The following PIK3C2B variants were observed in gnomAD, a reference collection of about 807,000 sequenced individuals.
The protein encoded by PIK3C2B is phosphatidylinositol 4-phosphate 3-kinase C2 domain-containing subunit beta.
Under a neutral mutation model 184.3 loss-of-function variants are expected in PIK3C2B, and 83 were observed. The ratio of observed to expected loss-of-function variants is 0.45; its 90% CI spans 0.38 to 0.54. PIK3C2B has a LOEUF of 0.54. Ranked by LOEUF, PIK3C2B falls within the 20% of genes least tolerant of loss-of-function variation. The pLI is 0.00. For synonymous variants in PIK3C2B, 779 were observed against 837.6 expected (o/e 0.93, Z 1.21); for missense variants, 1,736 against 2,113.5 (o/e 0.82, Z 3.50).
At chr1:204,427,595 T>C (rs1207949384) in intron 31 of PIK3C2B, 53 bp downstream of exon 31, 8 of 1,230,978 alleles carry the variant, frequency 6.5e-6, no homozygotes, top group Admixed American at 5.1e-5. Context: ...CCCAAAAAAG[T>C]AGCTAAAGAA....
rs1403343203 is a variant in PIK3C2B, at chr1:204,469,287, A to G, written c.516T>C (p.Pro172=). ...RASIWDTPPL[P]PRKGSPSSSK... ...AGGATGAGGGGGACCCCTTTCTGGG[A>G]GGCAGGGGAGGGGTATCCCAGATAG... The change falls in exon 2 of 33, where the codon CCT becomes CCC. Residue 172 remains proline, a synonymous_variant. Transcript: ENST00000684373. 1 of 1,544,836 alleles carries G rather than the reference A, an allele frequency of 6.5e-7. No individual in the cohort carries two copies. The highest frequency in any genetic ancestry group is 8.7e-7 in the Non-Finnish European group (1 of 1,146,088).
intron 1 of PIK3C2B, among the ~76,000 whole-genome samples, chr1:204,474,671 T>C (rs896282488): frequency 6.6e-6 from 1 of 152,118 alleles, no homozygotes; most frequent in African/African-American, 2.4e-5. Context: ...CTCAGCTTAC[T>C]GTTAACTCTA....
intron 10 of PIK3C2B, among the ~76,000 whole-genome samples, chr1:204,456,691 C>T (rs572545074): frequency 9.0e-4 from 137 of 152,166 alleles, no homozygotes; most frequent in Non-Finnish European, 1.3e-4. Flanking sequence ...TCACAATCTA[C>T]CCAAGTGGGA....
Position 204,469,211 on chromosome 1 carries a change from A to G in PIK3C2B, c.592T>C (p.Leu198=). The part of the protein sequence containing the change: ...DINTFSLVEQ[L]PGKLLEHRIL... ...CGATGCTCTAGCAGTTTGCCCGGCA[A>G]TTGTTCGACCAAAGAGAAAGTGTTG... The change falls in exon 2 of 33, where the codon TTG becomes CTG. Residue 198 remains leucine, a synonymous_variant. Coordinates refer to ENST00000684373, the MANE Select transcript of PIK3C2B (RefSeq NM_001377334.1). The G allele has an allele frequency of 6.2e-7, 1 of 1,608,808 alleles. No homozygotes were observed. Among genetic ancestry groups the G allele is most frequent in the African/African-American group, 1.3e-5 (1 of 74,894 alleles).
At chr1:204,429,399 G>GA (rs1674919054) in intron 29 of PIK3C2B, among the ~76,000 whole-genome samples, 1 of 152,092 alleles carries the variant, frequency 6.6e-6, no homozygotes, top group Non-Finnish European at 1.5e-5. Context: ...AATGCTAAGG[G>GA]AAAAAAGCTC....
intron 1 of PIK3C2B, among the ~76,000 whole-genome samples, chr1:204,479,865 T>C (rs903341555): frequency 3.3e-5 from 5 of 152,150 alleles, no homozygotes; most frequent in South Asian, 4.1e-4. Context: ...GCAGAGTCCA[T>C]AAAGCAAGTC....
chr1:204,469,693 A>C lies in PIK3C2B; in HGVS notation c.110T>G (p.Leu37Arg). Residue 37 changes from leucine (L) to arginine (R), a missense_variant, in exon 2 of 33, where the codon CTG becomes CGG. By Grantham distance (102) the Leu-to-Arg change is moderately radical. Transcript: ENST00000684373. Reference sequence around the variant, plus strand: ...CTCCTTGTCATGCCGGAGCCGGGACAGGGCATCATACTCCATCTGCAGGGC... The same window carrying C: ...CTCCTTGTCATGCCGGAGCCGGGACCGGGCATCATACTCCATCTGCAGGGC... ...AEALQMEYDALSRLRHDKEEN... is the reference protein window; with the variant it reads ...AEALQMEYDARSRLRHDKEEN... The C allele has an allele frequency of 6.2e-7, 1 of 1,614,060 alleles. No individual in the cohort carries two copies. Among genetic ancestry groups the C allele is most frequent in the Non-Finnish European group, 8.5e-7 (1 of 1,179,994 alleles).
At chr1:204,445,892 G>A (rs1316687403) in intron 16 of PIK3C2B, 64 bp downstream of exon 16, 11 of 1,120,178 alleles carry the variant, frequency 9.8e-6, no homozygotes, top group Non-Finnish European at 1.3e-5. Flanking sequence ...ATCACTGATG[G>A]GCAGTGTCGT....
At chr1:204,441,419 C>T in intron 21 of PIK3C2B, 52 bp downstream of exon 21, 1 of 1,213,386 alleles carries the variant, frequency 8.2e-7, no homozygotes, top group Non-Finnish European at 1.2e-6. Context: ...CTCTAGGCTG[C>T]CTCCTTCTCT....
chr1:204,474,791 C>G (rs1022277673), intron 1 of PIK3C2B, among the ~76,000 whole-genome samples: 2 of 152,072 alleles, frequency 1.3e-5, no homozygotes, highest in Non-Finnish European at 2.9e-5. Flanking sequence ...CCACTCATAT[C>G]TCAAAATCCA....
chr1:204,454,555 C>G, intron 12 of PIK3C2B, 114 bp downstream of exon 12: 1 of 994,646 alleles, frequency 1.0e-6, no homozygotes, highest in Non-Finnish European at 1.4e-6. Flanking sequence ...TTAGGGTTAA[C>G]AAGGAGCCTG....
intron 31 of PIK3C2B, among the ~76,000 whole-genome samples, chr1:204,427,093 C>T (rs948626238): frequency 6.6e-5 from 10 of 151,812 alleles, no homozygotes; most frequent in East Asian, 1.9e-4. Flanking sequence ...GCCAAGATTG[C>T]GCCACTGCAC....
At chr1:204,443,656 G>A in intron 18 of PIK3C2B, 59 bp from the exon 19 acceptor site, 1 of 1,500,500 alleles carries the variant, frequency 6.7e-7, no homozygotes, top group Non-Finnish European at 9.2e-7. Context: ...CAAGGGTACA[G>A]GGGGAGACAG....
chr1:204,490,590 C>A (rs1431025182), intron 1 of PIK3C2B, among the ~76,000 whole-genome samples: 1 of 152,032 alleles, frequency 6.6e-6, no homozygotes, highest in Non-Finnish European at 1.5e-5. Flanking sequence ...AGTGATGGCC[C>A]AGGTCCTTTC....
rs1401144476 is a variant in PIK3C2B at position 204,463,862 on chromosome 1, C to T, written c.1310+150G>A. On this transcript the variant is annotated intron_variant, in intron 5 of 32. Transcript: ENST00000684373. The stretch of plus-strand genomic sequence containing the variant: ...GAAGACAGAGCTCCTGGGGAAAGTG[C>T]TACGTGGCCGAGAGTGTGCCCAGAA... 7.8e-6 allele frequency: 6 copies of T among 769,040 alleles called. No homozygotes were observed. The East Asian group carries it at 1.6e-4, about 20-fold the overall frequency. 47.6% of individuals were successfully genotyped at this position (769,040 alleles called of 1,614,324 possible). A position where few individuals can be genotyped will look rare whatever the true frequency, so the allele number is the denominator to read the frequency against.
At chr1:204,441,011 C>T (rs1482778931) in intron 21 of PIK3C2B, among the ~76,000 whole-genome samples, 1 of 152,162 alleles carries the variant, frequency 6.6e-6, no homozygotes, top group East Asian at 1.9e-4. Context: ...TATTTTGTCT[C>T]CCCCATTAGA....
chr1:204,462,897 A>C (rs1415941398), intron 5 of PIK3C2B, among the ~76,000 whole-genome samples: 1 of 152,144 alleles, frequency 6.6e-6, no homozygotes, highest in Admixed American at 6.5e-5. Flanking sequence ...CTATTAAAAA[A>C]TACAAAAATT....
intron 29 of PIK3C2B, among the ~76,000 whole-genome samples, chr1:204,429,382 T>C (rs995061710): frequency 3.3e-5 from 5 of 152,190 alleles, no homozygotes; most frequent in Non-Finnish European, 5.9e-5. Flanking sequence ...AGCATATGTA[T>C]ACTATAAATG....
chr1:204,478,323 G>T (rs533701016), intron 1 of PIK3C2B, among the ~76,000 whole-genome samples: 5 of 151,968 alleles, frequency 3.3e-5, no homozygotes, highest in Admixed American at 1.3e-4. Flanking sequence ...CACACATGCC[G>T]CTGGCTCCAA....
Sources: allele counts gnomAD v4.1 joint callset (sites outside exome capture counted in the v4.1 genomes callset), GRCh38; gene constraint gnomAD v4.1.1; transcripts MANE v1.5; gene names NCBI Gene and HGNC (gene_info 2026-07-23, HGNC 2026-07-21).